Variants in FRMD6 observed in about 807,000 individuals in gnomAD.
The protein encoded by FRMD6 is FERM domain containing 6.
A neutral mutation model predicts 73.2 loss-of-function variants in FRMD6; 37 were observed. That is an observed-to-expected ratio of 0.51 (90% CI 0.39 to 0.66). The LOEUF is 0.66. Among genes scored for constraint, FRMD6 ranks in the 30% least tolerant of loss-of-function variants. The pLI is 0.00. For missense variants in FRMD6, 714 were observed against 780.5 expected (o/e 0.91, Z 1.02); for synonymous variants, 273 against 282.2 (o/e 0.97, Z 0.33).
intron 1 of FRMD6, among the ~76,000 whole-genome samples, chr14:51,507,642 T>C (rs577099739): frequency 6.6e-6 from 1 of 152,306 alleles, no homozygotes; most frequent in African/African-American, 2.4e-5. Context: ...GACCTCCTCC[T>C]CTTTCCCCTC....
chr14:51,711,503 A>T, intron 7 of FRMD6, 28 bp from the exon 8 acceptor site: 1 of 1,467,974 alleles, frequency 6.8e-7, no homozygotes, highest in Non-Finnish European at 9.4e-7. Flanking sequence ...AAAAACATTT[A>T]ATTTTTTATA....
chr14:51,444,787 G>A, the FRMD6 span, among the ~76,000 whole-genome samples: 19 of 152,080 alleles, frequency 1.2e-4, no homozygotes, highest in Admixed American at 4.6e-4. Context: ...CAACTGATAG[G>A]GGGCGGAGGC....
At chr14:51,488,389 G>A (rs903728800), upstream of FRMD6, among the ~76,000 whole-genome samples, 1 of 152,274 alleles carries the variant, frequency 6.6e-6, no homozygotes, top group East Asian at 1.9e-4. Flanking sequence ...TTCTGTTATT[G>A]TGCCAGTCTT....
At position 51,659,353 on chromosome 14, in the gene FRMD6, A is replaced by C. The variant is rs192869359; in HGVS notation, c.-147+7357A>C. On this transcript the variant is annotated intron_variant, in intron 1 of 13. Transcript: ENST00000344768. ...TGTTAGCTATTGCTGCTTAAGACAAAAAGAAGTGATGTATAAAAGGACTTA... is the reference window on the plus strand; with the variant it reads ...TGTTAGCTATTGCTGCTTAAGACAACAAGAAGTGATGTATAAAAGGACTTA... Among the ~76,000 whole-genome samples, 21 of 152,378 alleles carry C rather than the reference A, an allele frequency of 1.4e-4. No individual in the cohort carries two copies. The East Asian group carries it at 3.9e-3, about 28-fold the overall frequency.
chr14:51,697,909 GTAAGATC>G (rs1896051552), intron 2 of FRMD6: 1 of 372,736 alleles, frequency 2.7e-6, no homozygotes, highest in African/African-American at 2.1e-5. Context: ...TCCATGTATG[GTAAGATC>G]TGTGAGTCTT....
the FRMD6 span, among the ~76,000 whole-genome samples, chr14:51,445,853 T>C: frequency 1.3e-5 from 2 of 152,228 alleles, no homozygotes; most frequent in East Asian, 1.9e-4. Flanking sequence ...TCAATAAATA[T>C]GTATTAAATT....
intron 3 of FRMD6, 83 bp from the exon 4 acceptor site, chr14:51,700,973 A>T: frequency 1.6e-6 from 1 of 625,148 alleles, no homozygotes. Context: ...TTGAGGCTTT[A>T]AAAGAAACTT....
At chr14:51,599,697 TCTC>T (rs1279642721) in intron 2 of FRMD6, 1 of 151,974 alleles carries the variant, frequency 6.6e-6, no homozygotes, top group East Asian at 1.9e-4. Flanking sequence ...CAAACAGACT[TCTC>T]ATTGCCTTTC....
intron 6 of FRMD6, among the ~76,000 whole-genome samples, chr14:51,706,975 C>T (rs1160283999): frequency 2.0e-5 from 3 of 152,064 alleles, no homozygotes; most frequent in African/African-American, 7.2e-5. Context: ...ATCAGGTGCT[C>T]ATTGAATATT....
chr14:51,504,214 A>C, intron 1 of FRMD6, among the ~76,000 whole-genome samples: 1 of 152,232 alleles, frequency 6.6e-6, no homozygotes, highest in Non-Finnish European at 1.5e-5. Context: ...GGTCAGCTCC[A>C]GACCCTAGTT....
chr14:51,417,728 T>TA, the FRMD6 span, among the ~76,000 whole-genome samples: 1 of 152,254 alleles, frequency 6.6e-6, no homozygotes, highest in African/African-American at 2.4e-5. Flanking sequence ...TTCTCCTGGA[T>TA]AACATCCTGA....
intron 2 of FRMD6, among the ~76,000 whole-genome samples, chr14:51,576,732 C>T (rs1888425036): frequency 6.6e-6 from 1 of 152,150 alleles, no homozygotes; most frequent in Non-Finnish European, 1.5e-5. Context: ...CTTAGGAGAT[C>T]AGACATACGC....
intron 6 of FRMD6, among the ~76,000 whole-genome samples, chr14:51,706,730 A>G (rs1018167275): frequency 2.0e-5 from 3 of 152,034 alleles, no homozygotes; most frequent in Non-Finnish European, 2.9e-5. Context: ...GAACCTGGGA[A>G]TAGTGTTTTA....
chr14:51,663,574 T>C (rs1893375800), intron 1 of FRMD6, among the ~76,000 whole-genome samples: 1 of 152,014 alleles, frequency 6.6e-6, no homozygotes, highest in South Asian at 2.1e-4. Context: ...CATGGACACA[T>C]AGAGGGGACA....
intron 1 of FRMD6, among the ~76,000 whole-genome samples, chr14:51,558,840 G>A (rs1377501337): frequency 6.6e-6 from 1 of 152,008 alleles, no homozygotes; most frequent in Non-Finnish European, 1.5e-5. Context: ...GTCATTTCTT[G>A]CTATCACTGG....
the FRMD6 span, among the ~76,000 whole-genome samples, chr14:51,448,616 T>C: frequency 9.2e-5 from 14 of 152,304 alleles, no homozygotes; most frequent in South Asian, 2.7e-3. Flanking sequence ...ACCATGGTCA[T>C]TTAGCGCTTA....
the FRMD6 span, among the ~76,000 whole-genome samples, chr14:51,426,736 G>A: frequency 6.6e-6 from 1 of 152,312 alleles, no homozygotes; most frequent in South Asian, 2.1e-4. Context: ...TTCTCAGAGA[G>A]GGCTCACCTA....
chr14:51,558,476 CAA>C (rs1237085920), intron 1 of FRMD6, among the ~76,000 whole-genome samples: 1 of 141,668 alleles, frequency 7.1e-6, no homozygotes, highest in African/African-American at 2.8e-5. Flanking sequence ...AAAAAAAAAA[CAA>C]AAAACAAAAA....
upstream of FRMD6, among the ~76,000 whole-genome samples, chr14:51,487,085 C>T (rs1882778302): frequency 1.3e-5 from 2 of 152,114 alleles, no homozygotes; most frequent in African/African-American, 4.8e-5. Context: ...GTTTGGGAAT[C>T]ATGAACATGA....
Sources: allele counts gnomAD v4.1 joint callset (sites outside exome capture counted in the v4.1 genomes callset), GRCh38; gene constraint gnomAD v4.1.1; transcripts MANE v1.5; gene names NCBI Gene and HGNC (gene_info 2026-07-23, HGNC 2026-07-21).